The following KIF16B variants were observed in gnomAD, a reference collection of about 807,000 sequenced individuals.
The protein encoded by KIF16B is kinesin family member 16B.
In KIF16B, 98 loss-of-function variants were observed where a neutral mutation model predicts 156.3. The observed-to-expected ratio is 0.63, with a 90% CI of 0.53 to 0.74. KIF16B has a LOEUF of 0.74. KIF16B is among the 30% of genes least tolerant of loss of function. The probability of loss-of-function intolerance (pLI) is 0.00; values close to 1 mark genes in which losing one functional copy is unlikely to be tolerated. For missense variants in KIF16B, 1,421 were observed against 1,606.5 expected, an observed-to-expected ratio of 0.88 and a Z score of 1.97; for synonymous variants, 564 against 583.7, an observed-to-expected ratio of 0.97 and a Z score of 0.49.
At chr20:16,425,237 G>C (rs1421930625) in intron 15 of KIF16B, among the ~76,000 whole-genome samples, 1 of 152,082 alleles carries the variant, frequency 6.6e-6, no homozygotes, top group Non-Finnish European at 1.5e-5. Flanking sequence ...GAACAGTGAG[G>C]ACAGGACACG....
At chr20:16,451,598 A>T (rs1211381458) in intron 12 of KIF16B, among the ~76,000 whole-genome samples, 3 of 152,092 alleles carry the variant, frequency 2.0e-5, no homozygotes, top group Admixed American at 6.5e-5. Flanking sequence ...GAATGTAGTC[A>T]AGTTCATTTA....
chr20:16,505,733 A>G lies in KIF16B; in HGVS notation c.989T>C (p.Ile330Thr). Residue 330 changes from isoleucine (I) to threonine (T), a missense_variant, in exon 9 of 26, where the codon ATC becomes ACC. Coordinates refer to ENST00000354981, the MANE Select transcript of KIF16B (RefSeq NM_024704.5). The part of the protein sequence containing the change: ...KDSLGGNSKT[I>T]MIATISPADV... ...CTTAAAACTCTTACTGGCAATCATG[A>G]TAGTTTTAGAGTTTCCTCCAAGGCT... is the stretch of plus-strand genomic sequence containing the variant. 4 of 1,613,006 alleles carry G rather than the reference A, an allele frequency of 2.5e-6. No individual in the cohort carries two copies. Among genetic ancestry groups the G allele is most frequent in the South Asian group, 2.2e-5 (2 of 90,870 alleles).
At chr20:16,497,571 TA>T in intron 11 of KIF16B, 41 bp downstream of exon 11, 2 of 1,484,448 alleles carry the variant, frequency 1.3e-6, no homozygotes, top group Non-Finnish European at 1.9e-6. Context: ...AAAATAATAG[TA>T]AAAGTTATGA....
intron 6 of KIF16B, among the ~76,000 whole-genome samples, chr20:16,508,556 G>A (rs765113592): frequency 1.6e-4 from 25 of 152,180 alleles, no homozygotes; most frequent in Non-Finnish European, 3.2e-4. Context: ...TCCCTCACAC[G>A]TGCAGTTCAG....
At chr20:16,407,740 G>T (rs2065822631) in intron 15 of KIF16B, among the ~76,000 whole-genome samples, 1 of 152,154 alleles carries the variant, frequency 6.6e-6, no homozygotes, top group South Asian at 2.1e-4. Context: ...ACAAGTATGA[G>T]AGTTTAGACC....
chr20:16,497,015 T>TA (rs771279827), intron 11 of KIF16B, among the ~76,000 whole-genome samples: 53 of 146,542 alleles, frequency 3.6e-4, no homozygotes, highest in Admixed American at 5.4e-4. Context: ...CACAGAAGTT[T>TA]AAAAAAAAAA....
Position 16,427,256 on chromosome 20 carries a change from CAAAGT to C in KIF16B, c.1475-20_1475-16del, listed in dbSNP as rs770241751. ...GCCATGAAGAACTAAAGTGGAAAAACAAAGTAGAAAGAATTTTTCCCCCTTTTCTA... is the reference window on the plus strand; with the variant it reads ...GCCATGAAGAACTAAAGTGGAAAAACAGAAAGAATTTTTCCCCCTTTTCTA... On this transcript the variant is annotated splice_polypyrimidine_tract_variant and intron_variant, in intron 14 of 25. Transcript: ENST00000354981. 1.9e-6 allele frequency: 3 copies of C among 1,597,714 alleles called. No homozygotes were observed. The Admixed American group carries it at 5.3e-5, about 28-fold the overall frequency.
rs2071532220 is a variant in KIF16B, at chr20:16,573,436, G to A, written c.-161C>T. ...AGTTCCGCGGCAGCCCCACCTGCCA[G>A]GCCACTGAGCATGCCCAGAACGGCT... On this transcript the variant is annotated 5_prime_UTR_variant, in exon 1 of 26. Transcript: ENST00000354981. The A allele has an allele frequency of 4.0e-6, 3 of 743,452 alleles. No individual in the cohort carries two copies. The highest frequency in any genetic ancestry group is 5.6e-5 in the East Asian group (2 of 35,882). The allele number at this position is 743,452 out of a possible 1,614,324, so 46.1% of individuals were successfully genotyped here.
At position 16,380,126 on chromosome 20, in the gene KIF16B, C is replaced by G; in HGVS notation, c.1876G>C (p.Asp626His). The change falls in exon 19 of 26, where the codon GAC becomes CAC. Residue 626 changes from aspartate to histidine, a missense_variant. Transcript: ENST00000354981. The stretch of plus-strand genomic sequence containing the variant: ...TGCATCCGCTCCAGTTCAGCCTTGT[C>G]TGATTTCTGCTTTTCCTCCATTTCT... ...IEEMEEKQKS[D>H]KAELERMQQE... The G allele has an allele frequency of 6.6e-7, 1 of 1,514,928 alleles. No individual in the cohort carries two copies. The highest frequency in any genetic ancestry group is 8.8e-7 in the Non-Finnish European group (1 of 1,135,744). The allele number at this position is 1,514,928 out of a possible 1,614,324, so 93.8% of individuals were successfully genotyped here. A position where few individuals can be genotyped will look rare whatever the true frequency, so the allele number is the denominator to read the frequency against.
intron 1 of KIF16B, among the ~76,000 whole-genome samples, chr20:16,533,516 C>T (rs2069835536): frequency 6.6e-6 from 1 of 152,190 alleles, no homozygotes; most frequent in Non-Finnish European, 1.5e-5. Context: ...CTACTTCTTA[C>T]ACTGGAAAAC....
At chr20:16,407,047 T>C (rs1568944320) in intron 15 of KIF16B, among the ~76,000 whole-genome samples, 1 of 152,188 alleles carries the variant, frequency 6.6e-6, no homozygotes, top group Non-Finnish European at 1.5e-5. Context: ...ATTAGACCCA[T>C]AAGAAAGGGT....
intron 12 of KIF16B, among the ~76,000 whole-genome samples, chr20:16,443,831 C>T (rs1234767653): frequency 6.6e-6 from 1 of 152,126 alleles, no homozygotes; most frequent in Non-Finnish European, 1.5e-5. Context: ...AGAGAAATTA[C>T]ATTAGAAAGA....
chr20:16,332,131 T>C (rs2063958574), intron 24 of KIF16B, among the ~76,000 whole-genome samples: 1 of 152,200 alleles, frequency 6.6e-6, no homozygotes, highest in African/African-American at 2.4e-5. Flanking sequence ...AATTCTTTTT[T>C]CCCATTTTTA....
intron 17 of KIF16B, among the ~76,000 whole-genome samples, chr20:16,389,817 CCAT>C (rs1353148027): frequency 6.6e-6 from 1 of 152,318 alleles, no homozygotes; most frequent in East Asian, 1.9e-4. Context: ...ACCCAGCCAT[CCAT>C]CAGGTTTCCA....
intron 22 of KIF16B, chr20:16,368,719 T>A: frequency 1.0e-6 from 1 of 985,920 alleles, no homozygotes; most frequent in Non-Finnish European, 1.2e-6. Context: ...CAGTACGCTC[T>A]GCGGGGCACT....
intron 15 of KIF16B, among the ~76,000 whole-genome samples, chr20:16,421,995 G>A (rs995237711): frequency 1.3e-5 from 2 of 152,094 alleles, no homozygotes; most frequent in Admixed American, 6.6e-5. Flanking sequence ...TCTTCAATAT[G>A]AAGATAAAAA....
chr20:16,379,793 T>C lies in KIF16B; in HGVS notation c.2209A>G (p.Lys737Glu), dbSNP rs773095468. The change falls in exon 19 of 26, where the codon AAA becomes GAA. Residue 737 changes from lysine (K) to glutamate (E), a missense_variant. By Grantham distance (56) the Lys-to-Glu change is moderately conservative. Coordinates refer to ENST00000354981, the MANE Select transcript of KIF16B (RefSeq NM_024704.5). ...TCAAGCTTGGCATACTGTTCATCTT[T>C]TTCCTTTTGGAGCTGGTCCAGTTCT... ...FQELDQLQKE[K>E]DEQYAKLELE... The C allele has an allele frequency of 1.9e-6, 3 of 1,614,086 alleles. No homozygotes were observed. Among genetic ancestry groups the C allele is most frequent in the South Asian group, 2.2e-5 (2 of 91,090 alleles).
chr20:16,537,579 C>T (rs897499878), intron 1 of KIF16B, among the ~76,000 whole-genome samples: 36 of 151,898 alleles, frequency 2.4e-4, no homozygotes, highest in Admixed American at 1.7e-3. Context: ...CTCTTTACCA[C>T]ACTCATCCTC....
At chr20:16,552,738 AT>A (rs1183213265) in intron 1 of KIF16B, among the ~76,000 whole-genome samples, 1 of 152,016 alleles carries the variant, frequency 6.6e-6, no homozygotes, top group Non-Finnish European at 1.5e-5. Flanking sequence ...TCACACTCAC[AT>A]TTCTGATAGC....
Sources: gnomAD v4.1 joint callset for allele counts (sites outside exome capture counted in the v4.1 genomes callset) on GRCh38, gnomAD v4.1.1 for gene constraint, MANE v1.5 for transcripts, NCBI Gene and HGNC (gene_info 2026-07-23, HGNC 2026-07-21) for gene names.